Variants in PSD2 observed in about 807,000 individuals in gnomAD.
The protein encoded by PSD2 is pleckstrin and Sec7 domain containing 2, also known as PH and SEC7 domain-containing protein 2.
A neutral mutation model predicts 69.8 loss-of-function variants in PSD2; 38 were observed. The observed-to-expected ratio is 0.54, with a 90% CI of 0.42 to 0.71. The LOEUF is 0.71. PSD2 is among the 30% of genes least tolerant of loss of function. PSD2 has a pLI of 0.00. For missense variants in PSD2, 943 were observed against 1,014.5 expected (o/e 0.93, Z 0.96); for synonymous variants, 412 against 423.0 (o/e 0.97, Z 0.32).
the PSD2 span, among the ~76,000 whole-genome samples, chr5:139,758,657 C>T: frequency 3.3e-5 from 5 of 152,094 alleles, no homozygotes; most frequent in Non-Finnish European, 7.4e-5. Context: ...CTGCTCCCTG[C>T]GTCCGGGAAC....
chr5:139,743,030 C>G, the PSD2 span, among the ~76,000 whole-genome samples: 1 of 152,196 alleles, frequency 6.6e-6, no homozygotes, highest in Non-Finnish European at 1.5e-5. Flanking sequence ...GCTCAGAACA[C>G]TGTCAGATTA....
At chr5:139,784,159 T>C in the PSD2 span, among the ~76,000 whole-genome samples, 1 of 151,658 alleles carries the variant, frequency 6.6e-6, no homozygotes, top group East Asian at 1.9e-4. Flanking sequence ...AGGCTGGTCT[T>C]GAACTCCTGA....
the PSD2 span, among the ~76,000 whole-genome samples, chr5:139,774,858 G>C: frequency 6.6e-6 from 1 of 152,236 alleles, no homozygotes; most frequent in African/African-American, 2.4e-5. Flanking sequence ...GGGCACAGGG[G>C]AGGGACGGGG....
the PSD2 span, among the ~76,000 whole-genome samples, chr5:139,766,928 CCCTT>C: frequency 0.05 from 1,576 of 31,210 alleles, 119 homozygotes; most frequent in African/African-American, 0.066. Flanking sequence ...TTCCTTCCTT[CCCTT>C]CTTTCTTTCT....
intron 5 of PSD2, among the ~76,000 whole-genome samples, chr5:139,819,402 CA>C (rs1265009655): frequency 6.6e-6 from 1 of 152,202 alleles, no homozygotes; most frequent in African/African-American, 2.4e-5. Context: ...CCCTCTTCAA[CA>C]AAATATCCCT....
Position 139,809,587 on chromosome 5 carries a change from G to A in PSD2, c.147G>A (p.Glu49=), listed in dbSNP as rs1190734723. ...LNSSLCSPGH[E]RRGTPADTEE... is the part of the protein sequence containing the mutation. ...GCAGCCTCTGCAGCCCAGGGCACGA[G>A]CGAAGGGGCACCCCAGCGGACACTG... Residue 49 remains glutamate, a synonymous_variant, in exon 2 of 15, where the codon GAG becomes GAA. Coordinates refer to ENST00000274710, the MANE Select transcript of PSD2 (RefSeq NM_032289.4). The A allele has an allele frequency of 2.5e-6, 4 of 1,614,240 alleles. No homozygotes were observed. In the South Asian group the frequency reaches 4.4e-5, roughly 18 times the overall value.
At position 139,809,532 on chromosome 5, in the gene PSD2, G is replaced by A. The variant is rs34880693; in HGVS notation, c.92G>A (p.Arg31Gln). The change falls in exon 2 of 15, where the codon CGG becomes CAG. Residue 31 changes from arginine to glutamine, a missense_variant. By Grantham distance (43) the Arg-to-Gln change is conservative. Around this residue, in one of 3 missense-constraint regions of PSD2, gnomAD observed 466 missense variants for 445.0 expected, o/e 1.05. Transcript: ENST00000274710. ...GAGCCTGAAGAGGAGCCAGGGGTCC[G>A]GAATGGGATGGCCAGTGAGGGCCTG... is the stretch of plus-strand genomic sequence containing the variant. ...GPEPEEEPGVRNGMASEGLNS... is the reference protein window; with the variant it reads ...GPEPEEEPGVQNGMASEGLNS... The A allele has an allele frequency of 2.2e-3, 3,573 of 1,613,350 alleles. 52 individuals carry two copies. The African/African-American group carries it at 0.041, about 19-fold the overall frequency.
chr5:139,750,105 C>T, the PSD2 span, among the ~76,000 whole-genome samples: 1 of 151,460 alleles, frequency 6.6e-6, no homozygotes, highest in Non-Finnish European at 1.5e-5. Flanking sequence ...GTGGGTGGAT[C>T]ACGAGGTCAG....
At chr5:139,804,206 G>T (rs1561592384) in intron 1 of PSD2, among the ~76,000 whole-genome samples, 1 of 152,212 alleles carries the variant, frequency 6.6e-6, no homozygotes, top group Non-Finnish European at 1.5e-5. Context: ...TAAAATCTGG[G>T]TGATCTAGGG....
the PSD2 span, among the ~76,000 whole-genome samples, chr5:139,776,295 T>TA: frequency 2.0e-5 from 3 of 152,178 alleles, no homozygotes; most frequent in Admixed American, 6.5e-5. Context: ...AGGGTCCCCC[T>TA]AAAAAACCCA....
chr5:139,747,243 C>T, the PSD2 span, among the ~76,000 whole-genome samples: 3 of 152,258 alleles, frequency 2.0e-5, no homozygotes, highest in East Asian at 1.9e-4. The surrounding 1 kb of genome is among the most constrained non-coding windows in gnomAD (Gnocchi z 6.7). Context: ...TGTCTCCCCC[C>T]CTTCAGTTAC....
chr5:139,839,325 C>T lies in PSD2; in HGVS notation c.1968+553C>T, dbSNP rs189958634. Among the ~76,000 whole-genome samples the T allele has an allele frequency of 1.1e-4, 17 of 152,348 alleles. No individual in the cohort carries two copies. The highest frequency in any genetic ancestry group is 2.2e-4 in the Non-Finnish European group (15 of 68,024). ...GCGGCCTTTCCCACTAGGCCTTGTC[C>T]CGGGTCACCCCACTGAGCTCCTGGG... On this transcript the variant is annotated intron_variant, in intron 13 of 14. Transcript: ENST00000274710. The surrounding 1 kb of genome is among the most constrained non-coding windows in gnomAD (Gnocchi z 5.1).
the PSD2 span, among the ~76,000 whole-genome samples, chr5:139,770,389 T>C: frequency 1.2e-4 from 18 of 152,044 alleles, no homozygotes; most frequent in African/African-American, 4.3e-4. Flanking sequence ...AAACCCCATC[T>C]CTACTAAAAT....
chr5:139,809,306 C>T (rs1759889594), intron 1 of PSD2, 85 bp from the exon 2 acceptor site: 1 of 1,066,072 alleles, frequency 9.4e-7, no homozygotes, highest in African/African-American at 1.6e-5. Context: ...AGGCAGGCTG[C>T]TCTGCCACTG....
chr5:139,800,490 G>C (rs183715464), intron 1 of PSD2, among the ~76,000 whole-genome samples: 1 of 152,186 alleles, frequency 6.6e-6, no homozygotes, highest in African/African-American at 2.4e-5. Context: ...TTGAACTCCT[G>C]ACCTCAAGTG....
At chr5:139,762,128 C>T in the PSD2 span, among the ~76,000 whole-genome samples, 32 of 149,840 alleles carry the variant, frequency 2.1e-4, 1 homozygote, top group Admixed American at 1.3e-3. Flanking sequence ...CTGTAACCTC[C>T]GCCTCCTGGG....
At chr5:139,784,160 G>A in the PSD2 span, among the ~76,000 whole-genome samples, 1 of 151,446 alleles carries the variant, frequency 6.6e-6, no homozygotes, top group Admixed American at 6.6e-5. Context: ...GGCTGGTCTT[G>A]AACTCCTGAC....
chr5:139,794,760 C>T (rs1759478616), upstream of PSD2, among the ~76,000 whole-genome samples: 1 of 152,174 alleles, frequency 6.6e-6, no homozygotes, highest in Non-Finnish European at 1.5e-5. Context: ...GATTTCCCTT[C>T]TCCCAGGCAC....
At position 139,835,715 on chromosome 5, in the gene PSD2, T is replaced by G. The variant is rs576610158; in HGVS notation, c.1360-8T>G. The G allele has an allele frequency of 1.2e-6, 2 of 1,613,938 alleles. No homozygotes were observed. The highest frequency in any genetic ancestry group is 2.7e-5 in the African/African-American group (2 of 74,988). ...TGAATTCCCCCCTCTCTCTTTTCCC[T>G]CTCCCAGACCCTTTACAACTCCATC... On this transcript the variant is annotated splice_polypyrimidine_tract_variant and splice_region_variant and intron_variant, in intron 8 of 14. Coordinates refer to ENST00000274710, the MANE Select transcript of PSD2 (RefSeq NM_032289.4).
Sources: gnomAD v4.1 joint callset for allele counts (sites outside exome capture counted in the v4.1 genomes callset) on GRCh38, gnomAD v4.1.1 for gene constraint, gnomAD v4.1.1 regional missense constraint, Gnocchi (gnomAD v3.1) non-coding constraint, MANE v1.5 for transcripts, NCBI Gene and HGNC (gene_info 2026-07-23, HGNC 2026-07-21) for gene names.